RAPGEF5: variants seen among roughly 807,000 people sequenced by gnomAD.
RAPGEF5 encodes the protein Rap guanine nucleotide exchange factor 5, also known as M-Ras-regulated GEF.
RAPGEF5 carries 65 observed loss-of-function variants against 125.2 expected under a neutral mutation model. The observed-to-expected ratio is 0.52, with a 90% CI of 0.43 to 0.64. The LOEUF (loss-of-function observed/expected upper bound fraction) is 0.64. RAPGEF5 is among the 30% of genes least tolerant of loss of function. The pLI, the probability that RAPGEF5 is intolerant of heterozygous loss-of-function variation, is 0.00. For missense variants in RAPGEF5, 958 were observed against 1,048.1 expected, an observed-to-expected ratio of 0.91 and a Z score of 1.19; for synonymous variants, 391 against 385.9, an observed-to-expected ratio of 1.01 and a Z score of -0.16.
chr7:22,349,461 A>G (rs954977012), intron 1 of RAPGEF5, among the ~76,000 whole-genome samples: 3 of 151,860 alleles, frequency 2.0e-5, no homozygotes, highest in African/African-American at 7.3e-5. Context: ...ATAATTTAAC[A>G]TTAATTGATT....
At chr7:22,210,181 T>C (rs1785477922) in intron 9 of RAPGEF5, among the ~76,000 whole-genome samples, 1 of 152,190 alleles carries the variant, frequency 6.6e-6, no homozygotes, top group Non-Finnish European at 1.5e-5. Context: ...TGAAAAATAA[T>C]GCATCATCAC....
chr7:22,232,612 C>T (rs567068095), intron 7 of RAPGEF5, among the ~76,000 whole-genome samples: 3 of 152,188 alleles, frequency 2.0e-5, no homozygotes, highest in Non-Finnish European at 4.4e-5. Context: ...TGAGCCACCA[C>T]GCTTGGCCTG....
chr7:22,352,209 C>G (rs538864542), intron 1 of RAPGEF5, among the ~76,000 whole-genome samples: 1 of 152,150 alleles, frequency 6.6e-6, no homozygotes, highest in Non-Finnish European at 1.5e-5. Context: ...TAAGTCAGTC[C>G]CAGCATTTTG....
chr7:22,194,727 C>T (rs920722719), intron 9 of RAPGEF5: 15 of 985,316 alleles, frequency 1.5e-5, no homozygotes, highest in Non-Finnish European at 1.7e-5. Flanking sequence ...CTTTCTTCAC[C>T]TCAGTCCCTT....
At chr7:22,127,867 A>T (rs531516098) in intron 24 of RAPGEF5, among the ~76,000 whole-genome samples, 1 of 152,360 alleles carries the variant, frequency 6.6e-6, no homozygotes, top group South Asian at 2.1e-4. Flanking sequence ...TTGTTGTCAT[A>T]ACCGTATTTC....
chr7:22,158,979 C>T (rs1783899323), intron 14 of RAPGEF5, among the ~76,000 whole-genome samples: 1 of 152,114 alleles, frequency 6.6e-6, no homozygotes, highest in African/African-American at 2.4e-5. Flanking sequence ...TTATTATTTA[C>T]CATTTTTGTG....
rs1200124025 is a variant in RAPGEF5 at position 22,193,631 on chromosome 7, G to C, written c.1116-176C>G. 4.5e-6 allele frequency: 7 copies of C among 1,550,708 alleles called. No homozygotes were observed. The South Asian group carries it at 8.3e-5, about 18-fold the overall frequency. Reference sequence around the variant, plus strand: ...GCGGAATCTTTCCTCTCCAAATGAGGGTCAAAGACCCTCAGCCGGGAGCTG... The same window carrying C: ...GCGGAATCTTTCCTCTCCAAATGAGCGTCAAAGACCCTCAGCCGGGAGCTG... On this transcript the variant is annotated intron_variant, in intron 10 of 25. Coordinates refer to ENST00000665637, the MANE Select transcript of RAPGEF5 (RefSeq NM_012294.5).
chr7:22,237,600 G>A (rs1354831488), intron 7 of RAPGEF5, among the ~76,000 whole-genome samples: 1 of 151,732 alleles, frequency 6.6e-6, no homozygotes, highest in Non-Finnish European at 1.5e-5. Flanking sequence ...TCTTATACCT[G>A]TTACATTTCT....
intron 11 of RAPGEF5, among the ~76,000 whole-genome samples, chr7:22,184,471 C>T (rs565332149): frequency 8.5e-4 from 130 of 152,268 alleles, no homozygotes; most frequent in African/African-American, 3.0e-3. Flanking sequence ...AAATGTGGTA[C>T]AAACATGAAA....
rs746376054 is a variant in RAPGEF5, at chr7:22,154,600, GA to G, written c.1640del (p.Phe547SerfsTer6). 6.2e-7 allele frequency: 1 copy of G among 1,612,656 alleles called. No homozygotes were observed. The highest frequency in any genetic ancestry group is 8.5e-7 in the Non-Finnish European group (1 of 1,179,252). The part of the protein sequence containing the change: ...RGTVTETEEI[F>X]CHVYITEHSY... The stretch of plus-strand genomic sequence containing the variant: ...AGTGCTCTGTTATATACACGTGGCA[GA>G]AAACTGCACAAGTGAAAAGAATTGT... On this transcript the variant is annotated frameshift_variant, in exon 17 of 26. Transcript: ENST00000665637. LOFTEE classifies it high-confidence loss of function.
At chr7:22,216,390 C>A (rs1040423932) in intron 9 of RAPGEF5, among the ~76,000 whole-genome samples, 3 of 152,074 alleles carry the variant, frequency 2.0e-5, no homozygotes, top group African/African-American at 7.2e-5. Flanking sequence ...GACTCCCAGC[C>A]CACCCCTCTC....
intron 6 of RAPGEF5, among the ~76,000 whole-genome samples, chr7:22,273,199 G>A (rs1332221973): frequency 6.7e-6 from 1 of 149,810 alleles, no homozygotes; most frequent in Non-Finnish European, 1.5e-5. Flanking sequence ...CTGTTTCAAG[G>A]CACTTAGGAG....
intron 6 of RAPGEF5, among the ~76,000 whole-genome samples, chr7:22,271,106 C>A (rs1357875669): frequency 1.3e-5 from 2 of 152,140 alleles, no homozygotes; most frequent in African/African-American, 2.4e-5. Flanking sequence ...GAAATGCTTT[C>A]TTTAAATAGC....
chr7:22,238,200 G>C (rs1786241234), intron 7 of RAPGEF5, among the ~76,000 whole-genome samples: 1 of 152,134 alleles, frequency 6.6e-6, no homozygotes, highest in Admixed American at 6.5e-5. Flanking sequence ...TTAAATATCT[G>C]TTCAGCATTT....
intron 11 of RAPGEF5, 129 bp downstream of exon 11, chr7:22,193,238 A>G: frequency 1.0e-6 from 1 of 978,884 alleles, no homozygotes; most frequent in South Asian, 1.7e-5. Flanking sequence ...GCAAGGGACG[A>G]GTCGCACAAA....
At chr7:22,129,066 A>G (rs891174944) in intron 24 of RAPGEF5, among the ~76,000 whole-genome samples, 2 of 152,052 alleles carry the variant, frequency 1.3e-5, no homozygotes, top group Non-Finnish European at 1.5e-5. Flanking sequence ...TACTGGAGAG[A>G]GCAGGGGAGG....
chr7:22,306,257 C>T (rs1480842583), intron 5 of RAPGEF5, among the ~76,000 whole-genome samples: 1 of 152,114 alleles, frequency 6.6e-6, no homozygotes, highest in East Asian at 1.9e-4. Context: ...TGAATATAAG[C>T]CATTTTAACT....
intron 9 of RAPGEF5, among the ~76,000 whole-genome samples, chr7:22,207,144 C>T (rs920437614): frequency 9.2e-5 from 14 of 152,218 alleles, no homozygotes; most frequent in African/African-American, 2.2e-4. Context: ...AAAATTGTAA[C>T]ACTCAATGAA....
At chr7:22,283,208 A>G (rs1782716757) in intron 6 of RAPGEF5, among the ~76,000 whole-genome samples, 1 of 152,196 alleles carries the variant, frequency 6.6e-6, no homozygotes, top group African/African-American at 2.4e-5. Context: ...CTAAACAAAA[A>G]GGAAACTGCA....
Sources: gnomAD v4.1 joint callset for allele counts (sites outside exome capture counted in the v4.1 genomes callset) on GRCh38, gnomAD v4.1.1 for gene constraint, MANE v1.5 for transcripts, NCBI Gene and HGNC (gene_info 2026-07-23, HGNC 2026-07-21) for gene names.